Variants in WDR19 observed in about 807,000 individuals in gnomAD.
The protein encoded by WDR19 is WD repeat-containing protein 19.
WDR19 carries 121 observed loss-of-function variants against 180.0 expected under a neutral mutation model. The ratio of observed to expected loss-of-function variants is 0.67; its 90% CI spans 0.58 to 0.78. The LOEUF (loss-of-function observed/expected upper bound fraction) is 0.78, where lower values mean the gene tolerates loss of function less well. WDR19 is among the 30% of genes least tolerant of loss of function. The probability of loss-of-function intolerance (pLI) is 0.00; values close to 1 mark genes in which losing one functional copy is unlikely to be tolerated. For missense variants in WDR19, 1,450 were observed against 1,640.7 expected (o/e 0.88, Z 2.01); for synonymous variants, 497 against 540.7 (o/e 0.92, Z 1.12).
At chr4:39,254,840 T>G (rs981892260) in intron 26 of WDR19, among the ~76,000 whole-genome samples, 2 of 152,194 alleles carry the variant, frequency 1.3e-5, no homozygotes, top group African/African-American at 4.8e-5. Flanking sequence ...TCTGTGAATT[T>G]GACTATTCAT....
chr4:39,231,713 G>GC (rs1730887815), intron 17 of WDR19, 84 bp from the exon 18 acceptor site: 1 of 1,240,340 alleles, frequency 8.1e-7, no homozygotes, highest in Non-Finnish European at 1.1e-6. Flanking sequence ...TCTGGGGCAC[G>GC]CTATTAGATG....
chr4:39,188,094 G>A lies in WDR19; in HGVS notation c.164+1490G>A, dbSNP rs1170139068. ...TGAAAAATAACATCAGAGAAGAAAA[G>A]GTAAATATTTTTATTAAGAGTTTAA... On this transcript the variant is annotated intron_variant, in intron 3 of 36. Coordinates refer to ENST00000399820, the MANE Select transcript of WDR19 (RefSeq NM_025132.4). Among the ~76,000 whole-genome samples, 3 of 151,864 alleles carry A rather than the reference G, an allele frequency of 2.0e-5. No individual in the cohort carries two copies. The East Asian group carries it at 5.8e-4, about 29-fold the overall frequency.
chr4:39,252,349 G>C (rs1316879363), intron 24 of WDR19, among the ~76,000 whole-genome samples: 1 of 120,938 alleles, frequency 8.3e-6, no homozygotes, highest in Non-Finnish European at 1.7e-5. Flanking sequence ...CACACACCAG[G>C]GCCTGTTGTG....
intron 19 of WDR19, 85 bp from the exon 20 acceptor site, chr4:39,234,681 T>C (rs1490285070): frequency 2.5e-6 from 2 of 799,526 alleles, no homozygotes; most frequent in African/African-American, 3.4e-5. Flanking sequence ...GGTTTTGTAA[T>C]TAGTTTTATT....
intron 5 of WDR19, among the ~76,000 whole-genome samples, chr4:39,198,013 C>A (rs762433129): frequency 4.0e-5 from 6 of 151,272 alleles, no homozygotes; most frequent in Admixed American, 6.6e-5. Context: ...AATTTTTTTT[C>A]TTTAATTTTT....
chr4:39,231,175 A>G (rs1462250458), intron 17 of WDR19, among the ~76,000 whole-genome samples: 1 of 152,102 alleles, frequency 6.6e-6, no homozygotes, highest in African/African-American at 2.4e-5. Flanking sequence ...GCCGGGTGTC[A>G]TGGCATGCGC....
rs773315219 is a variant in WDR19, at chr4:39,244,300, G to C, written c.2474G>C (p.Gly825Ala). ...AGVAQMSIRMGDIRRGVNQAL... is the reference protein window; with the variant it reads ...AGVAQMSIRMADIRRGVNQAL... ...GTGGCCCAGATGTCCATAAGAATGG[G>C]AGACATACGTCGAGGGGTTAACCAA... Residue 825 changes from glycine to alanine, a missense_variant, in exon 22 of 37, where the codon GGA (glycine) becomes GCA (alanine). Gly to Ala is a moderately conservative substitution (Grantham distance 60, BLOSUM62 0). Coordinates refer to ENST00000399820, the MANE Select transcript of WDR19 (RefSeq NM_025132.4). The C allele has an allele frequency of 6.2e-7, 1 of 1,613,938 alleles. No individual in the cohort carries two copies. The highest frequency in any genetic ancestry group is 1.7e-5 in the Admixed American group (1 of 60,016).
chr4:39,256,075 A>C, intron 27 of WDR19, 115 bp downstream of exon 27: 1 of 427,340 alleles, frequency 2.3e-6, no homozygotes, highest in Non-Finnish European at 3.8e-6. Context: ...ACTCCCACTC[A>C]GATTTGAAAT....
intron 20 of WDR19, among the ~76,000 whole-genome samples, chr4:39,239,757 A>G (rs1439854031): frequency 2.0e-5 from 3 of 152,232 alleles, no homozygotes; most frequent in African/African-American, 7.2e-5. Flanking sequence ...CTTAATAATT[A>G]CTTTTAAAAT....
chr4:39,265,390 G>A (rs185689108), intron 28 of WDR19, among the ~76,000 whole-genome samples: 2 of 152,112 alleles, frequency 1.3e-5, no homozygotes, highest in African/African-American at 2.4e-5. Flanking sequence ...CCGCTGCAGA[G>A]GAGGGCCCCT....
intron 29 of WDR19, 21 bp downstream of exon 29, chr4:39,266,161 G>A (rs566943136): frequency 2.2e-5 from 33 of 1,528,284 alleles, no homozygotes; most frequent in Admixed American, 4.0e-5. Flanking sequence ...CGTGGGCTTC[G>A]TGTGCATCCT....
At chr4:39,209,418 T>A (rs745831095) in intron 9 of WDR19, among the ~76,000 whole-genome samples, 3 of 151,858 alleles carry the variant, frequency 2.0e-5, no homozygotes, top group Non-Finnish European at 2.9e-5. Flanking sequence ...AGTTTCTACC[T>A]CAAGACACTG....
chr4:39,265,199 A>G (rs1381424410), intron 28 of WDR19, among the ~76,000 whole-genome samples: 3 of 151,828 alleles, frequency 2.0e-5, no homozygotes, highest in African/African-American at 7.3e-5. Context: ...GATTACAGGC[A>G]TGAGCCACCG....
chr4:39,254,116 T>A, intron 26 of WDR19, 86 bp downstream of exon 26: 1 of 1,377,184 alleles, frequency 7.3e-7, no homozygotes, highest in Non-Finnish European at 9.8e-7. Flanking sequence ...CAGATTGGTA[T>A]ACATACAAGA....
intron 1 of WDR19, among the ~76,000 whole-genome samples, chr4:39,183,144 T>C (rs1725127841): frequency 6.6e-6 from 1 of 151,442 alleles, no homozygotes; most frequent in Non-Finnish European, 1.5e-5. Context: ...CTCATGTGCC[T>C]CATCCTCTGC....
chr4:39,185,678 A>C, intron 1 of WDR19, 48 bp from the exon 2 acceptor site: 6 of 1,514,848 alleles, frequency 4.0e-6, no homozygotes, highest in Non-Finnish European at 5.4e-6. Flanking sequence ...TCTGATCAAC[A>C]CTTGATTGTA....
intron 6 of WDR19, 51 bp downstream of exon 6, chr4:39,199,644 A>G: frequency 7.0e-7 from 1 of 1,438,798 alleles, no homozygotes; most frequent in Admixed American, 1.8e-5. Flanking sequence ...TTCCCCCCAA[A>G]TAAATAGTTT....
chr4:39,217,096 C>G, intron 12 of WDR19, 38 bp from the exon 13 acceptor site: 1 of 1,456,394 alleles, frequency 6.9e-7, no homozygotes. Flanking sequence ...ATAGTTTTAC[C>G]AACATTTTAA....
At chr4:39,236,273 G>GTA (rs975519397) in intron 20 of WDR19, among the ~76,000 whole-genome samples, 5 of 151,824 alleles carry the variant, frequency 3.3e-5, no homozygotes, top group Admixed American at 2.6e-4. Flanking sequence ...AGAAAATGTG[G>GTA]TATACACACA....
Sources: allele counts gnomAD v4.1 joint callset (sites outside exome capture counted in the v4.1 genomes callset), GRCh38; gene constraint gnomAD v4.1.1; transcripts MANE v1.5; gene names NCBI Gene and HGNC (gene_info 2026-07-23, HGNC 2026-07-21).